The following LZIC variants were observed in gnomAD, a reference collection of about 807,000 sequenced individuals.
LZIC encodes protein LZIC.
In LZIC, 28 loss-of-function variants were observed where a neutral mutation model predicts 25.4. The observed-to-expected ratio is 1.10, with a 90% CI of 0.82 to 1.51. The LOEUF (loss-of-function observed/expected upper bound fraction) is 1.51, where lower values mean the gene tolerates loss of function less well. Among genes scored for constraint, LZIC ranks in the 40% most tolerant of loss-of-function variants. The pLI is 0.00. For synonymous variants in LZIC, 65 were observed against 70.7 expected, an observed-to-expected ratio of 0.92 and a Z score of 0.40; for missense variants, 170 against 211.1, an observed-to-expected ratio of 0.81 and a Z score of 1.21.
chr1:9,931,847 G>T, intron 7 of LZIC, 44 bp downstream of exon 7: 2 of 1,277,418 alleles, frequency 1.6e-6, no homozygotes, highest in South Asian at 1.2e-5. Context: ...TGTAATATAT[G>T]ACAGTAGTAT....
chr1:9,924,340 A>G (rs1178536041), downstream of LZIC, among the ~76,000 whole-genome samples: 1 of 86,642 alleles, frequency 1.2e-5, no homozygotes, highest in Non-Finnish European at 3.7e-5. Context: ...CAATATCCAT[A>G]TTATTTTATT....
chr1:9,942,848 C>T (rs1640823005), intron 1 of LZIC, 66 bp from the exon 2 acceptor site: 1 of 456,120 alleles, frequency 2.2e-6, no homozygotes, highest in Admixed American at 2.7e-5. Context: ...CTAAGGCAGT[C>T]CAGATAACTT....
At chr1:9,935,972 A>G (rs953963887) in intron 3 of LZIC, among the ~76,000 whole-genome samples, 1 of 152,088 alleles carries the variant, frequency 6.6e-6, no homozygotes, top group Non-Finnish European at 1.5e-5. Context: ...TCTACTAAAA[A>G]TACAAAATTA....
chr1:9,934,900 A>T, intron 4 of LZIC, 40 bp from the exon 5 acceptor site: 1 of 1,407,438 alleles, frequency 7.1e-7, no homozygotes, highest in Non-Finnish European at 1.0e-6. Flanking sequence ...AAAATAGTCC[A>T]ACAAATCAGA....
rs1002009409 is a variant in LZIC at position 9,937,546 on chromosome 1, G to GA, written c.-8-920dup. Reference sequence around the variant, plus strand: ...GGCAACAGAGTGAGACTACATTTCAGAAAAAAAAAAAGGCAGCTGGGTGCA... The same window carrying GA: ...GGCAACAGAGTGAGACTACATTTCAGAAAAAAAAAAAAGGCAGCTGGGTGCA... On this transcript the variant is annotated intron_variant, in intron 2 of 7. Coordinates refer to ENST00000377223, the MANE Select transcript of LZIC (RefSeq NM_032368.5). 5.6e-3 allele frequency among the ~76,000 whole-genome samples: 809 copies of GA among 144,844 alleles called. 3 individuals carry two copies. Among genetic ancestry groups the GA allele is most frequent in the Admixed American group, 7.0e-3 (101 of 14,486 alleles).
At position 9,932,112 on chromosome 1, in the gene LZIC, G is replaced by A. The variant is rs940945734; in HGVS notation, c.433-140C>T. On this transcript the variant is annotated intron_variant, in intron 6 of 7. Transcript: ENST00000377223. The stretch of plus-strand genomic sequence containing the variant: ...CACTTTGGGAGGCGTGGGGGGGGGG[G>A]GGGGGTGGATCACATGAGGTCAGCA... The A allele has an allele frequency of 4.1e-5, 20 of 490,900 alleles. 4 individuals are homozygous for A. The highest frequency in any genetic ancestry group is 1.1e-4 in the Admixed American group (3 of 28,324). The allele number at this position is 490,900 out of a possible 1,614,324, so 30.4% of individuals were successfully genotyped here. A position where few individuals can be genotyped will look rare whatever the true frequency, so the allele number is the denominator to read the frequency against.
At chr1:9,933,294 A>G (rs1640316935) in intron 5 of LZIC, among the ~76,000 whole-genome samples, 2 of 143,148 alleles carry the variant, frequency 1.4e-5, no homozygotes, top group African/African-American at 5.1e-5. Context: ...ATATATATAT[A>G]TATATATACA....
At chr1:9,924,554 C>T (rs1639934775), downstream of LZIC, among the ~76,000 whole-genome samples, 2 of 152,042 alleles carry the variant, frequency 1.3e-5, no homozygotes, top group Admixed American at 6.6e-5. Context: ...TGGGGTTTCA[C>T]CGTGTTAGCC....
rs900769909 is a variant in LZIC, at chr1:9,926,819, G to T, written c.*3580C>A. 1.2e-4 allele frequency among the ~76,000 whole-genome samples: 19 copies of T among 152,314 alleles called. No homozygotes were observed. Among genetic ancestry groups the T allele is most frequent in the African/African-American group, 4.6e-4 (19 of 41,558 alleles). On this transcript the variant is annotated 3_prime_UTR_variant, in exon 8 of 8. Transcript: ENST00000377223. ...TCCAAAGATATCTGAACACCTAGAAGATTAAATGTAGCAAGAAGTGGAAGA... is the reference window on the plus strand; with the variant it reads ...TCCAAAGATATCTGAACACCTAGAATATTAAATGTAGCAAGAAGTGGAAGA...
chr1:9,925,283 AG>A (rs1296959323), downstream of LZIC, among the ~76,000 whole-genome samples: 1 of 152,204 alleles, frequency 6.6e-6, no homozygotes, highest in Non-Finnish European at 1.5e-5. Context: ...ATTGCACTCC[AG>A]CCTGGGCAAC....
At chr1:9,932,685 G>GAAA (rs34009055) in intron 6 of LZIC, 118 bp downstream of exon 6, 3,417 of 281,604 alleles carry the variant, frequency 0.012, no homozygotes, top group South Asian at 0.027. Context: ...CTCCGTCTCA[G>GAAA]AAAAAAAAAA....
chr1:9,935,506 T>G lies in LZIC; in HGVS notation c.223A>C (p.Ser75Arg). 6.2e-7 allele frequency: 1 copy of G among 1,606,460 alleles called. No homozygotes were observed. The highest frequency in any genetic ancestry group is 8.5e-7 in the Non-Finnish European group (1 of 1,178,202). The change falls in exon 4 of 8, where the codon AGT becomes CGT. Residue 75 changes from serine to arginine, a missense_variant. Physicochemically the swap from Ser to Arg is moderately radical, Grantham distance 110 (BLOSUM62 -1). Coordinates refer to ENST00000377223, the MANE Select transcript of LZIC (RefSeq NM_032368.5). ...SGNMTLVDEL[S>R]GMQLAIQAAI... Reference sequence around the variant, plus strand: ...GTTATACTTACCAGCTGCATTCCACTTAGTTCATCTACCAAAGTCATATTT... The same window carrying G: ...GTTATACTTACCAGCTGCATTCCACGTAGTTCATCTACCAAAGTCATATTT...
intron 7 of LZIC, among the ~76,000 whole-genome samples, chr1:9,931,039 T>C (rs772501368): frequency 4.0e-5 from 6 of 151,312 alleles, no homozygotes; most frequent in Non-Finnish European, 7.4e-5. Context: ...TTTTAAAACA[T>C]TTCTGTGAAA....
chr1:9,936,610 T>C lies in LZIC; in HGVS notation c.10A>G (p.Arg4Gly). 6.2e-7 allele frequency: 1 copy of C among 1,610,936 alleles called. No homozygotes were observed. Among genetic ancestry groups the C allele is most frequent in the Non-Finnish European group, 8.5e-7 (1 of 1,177,556 alleles). Residue 4 changes from arginine (R) to glycine (G), a missense_variant, in exon 3 of 8, where the codon AGA (arginine) becomes GGA (glycine). By Grantham distance (125) the Arg-to-Gly change is moderately radical. Coordinates refer to ENST00000377223, the MANE Select transcript of LZIC (RefSeq NM_032368.5). MAS[R>G]GKTETSKLKQ... ...AATTTGCTTGTCTCTGTCTTTCCTC[T>C]GGAAGCCATTTTAATCTCTATGTGA...
intron 2 of LZIC, among the ~76,000 whole-genome samples, chr1:9,938,668 T>C (rs770922248): frequency 3.9e-5 from 6 of 152,202 alleles, no homozygotes; most frequent in Non-Finnish European, 4.4e-5. Context: ...GAAGCCTTTG[T>C]AATTGCAAAT....
At position 9,932,917 on chromosome 1, in the gene LZIC, A is replaced by C; in HGVS notation, c.337-19T>G. ...TATCCATCTAAAACGTATGAATGCA[A>C]GGCATATGTTACTTAAGTGAAAAAC... On this transcript the variant is annotated intron_variant, in intron 5 of 7. Coordinates refer to ENST00000377223, the MANE Select transcript of LZIC (RefSeq NM_032368.5). 6.7e-7 allele frequency: 1 copy of C among 1,491,024 alleles called. No individual in the cohort carries two copies. 92.4% of individuals were successfully genotyped at this position (1,491,024 alleles called of 1,614,324 possible). A position where few individuals can be genotyped will look rare whatever the true frequency, so the allele number is the denominator to read the frequency against.
rs2101576161 is a variant in LZIC at position 9,927,318 on chromosome 1, C to G, written c.*3081G>C. Reference sequence around the variant, plus strand: ...TCCAGATTCAGGTAACTCTCTTTATCTTTTTTTTAGACAGGGGTCTCACTT... The same window carrying G: ...TCCAGATTCAGGTAACTCTCTTTATGTTTTTTTTAGACAGGGGTCTCACTT... On this transcript the variant is annotated 3_prime_UTR_variant, in exon 8 of 8. Coordinates refer to ENST00000377223, the MANE Select transcript of LZIC (RefSeq NM_032368.5). 6.6e-6 allele frequency among the ~76,000 whole-genome samples: 1 copy of G among 152,028 alleles called. No individual in the cohort carries two copies. Among genetic ancestry groups the G allele is most frequent in the Middle Eastern group, 3.4e-3 (1 of 294 alleles).
At chr1:9,939,801 A>G (rs918213875) in intron 2 of LZIC, among the ~76,000 whole-genome samples, 2 of 152,126 alleles carry the variant, frequency 1.3e-5, no homozygotes, top group East Asian at 3.9e-4. Flanking sequence ...TTTAACAATC[A>G]GTATGTCAAG....
chr1:9,939,373 C>CTTTTT (rs371491173), intron 2 of LZIC, among the ~76,000 whole-genome samples: 88,488 of 132,586 alleles, frequency 0.67, 32,538 homozygotes, highest in Non-Finnish European at 0.81. Flanking sequence ...TTTTTTTTTT[C>CTTTTT]TTTTTTTTTT....
Sources: gnomAD v4.1 joint callset for allele counts (sites outside exome capture counted in the v4.1 genomes callset) on GRCh38, gnomAD v4.1.1 for gene constraint, MANE v1.5 for transcripts, NCBI Gene and HGNC (gene_info 2026-07-23, HGNC 2026-07-21) for gene names.